Variants in COL6A3 observed in about 807,000 individuals in gnomAD.
COL6A3 encodes collagen type VI alpha 3 chain, also known as collagen alpha-3(VI) chain.
In COL6A3, 137 loss-of-function variants were observed where a neutral mutation model predicts 274.1. The ratio of observed to expected loss-of-function variants is 0.50; its 90% CI spans 0.44 to 0.58. The LOEUF (loss-of-function observed/expected upper bound fraction) is 0.58. Among genes scored for constraint, COL6A3 ranks in the 20% least tolerant of loss-of-function variants. The pLI is 0.00. For synonymous variants in COL6A3, 1,650 were observed against 1,650.6 expected, an observed-to-expected ratio of 1.00 and a Z score of 0.01; for missense variants, 3,950 against 4,124.9, an observed-to-expected ratio of 0.96 and a Z score of 1.16.
chr2:237,348,810 G>A (rs970751305), intron 28 of COL6A3, 147 bp from the exon 29 acceptor site: 7 of 733,644 alleles, frequency 9.5e-6, no homozygotes, highest in Non-Finnish European at 1.7e-5. Flanking sequence ...CACACTTCCT[G>A]CTCCTGTCCT....
intron 1 of COL6A3, among the ~76,000 whole-genome samples, chr2:237,401,353 AGAT>A (rs1366779491): frequency 6.6e-6 from 1 of 152,248 alleles, no homozygotes; most frequent in Non-Finnish European, 1.5e-5. Context: ...GTCCATCAAT[AGAT>A]GAGATGAATA....
rs771055879 is a variant in COL6A3 at position 237,368,613 on chromosome 2, G to A, written c.4850C>T (p.Ala1617Val). ...ERIMNSFGPS[A>V]ATPAPPGVDT... ...CACCCCTGGAGGTGCAGGAGTGGCT[G>A]CGGAGGGTCCAAACGAGTTCATGAT... Residue 1617 changes from alanine (A) to valine (V), a missense_variant, in exon 10 of 44, where the codon GCA becomes GTA. Around this residue, in one of 5 missense-constraint regions of COL6A3, gnomAD observed 632 missense variants for 623.4 expected, o/e 1.01. Coordinates refer to ENST00000295550, the MANE Select transcript of COL6A3 (RefSeq NM_004369.4). This position sits in a 1 kb window ranked among gnomAD's most constrained non-coding sequence, Gnocchi z 4.4. The A allele has an allele frequency of 6.2e-7, 1 of 1,614,174 alleles. No homozygotes were observed.
Position 237,364,524 on chromosome 2 carries a change from C to G in COL6A3, c.5839-96G>C. 2 of 964,694 alleles carry G rather than the reference C, an allele frequency of 2.1e-6. No individual in the cohort carries two copies. Among genetic ancestry groups the G allele is most frequent in the Non-Finnish European group, 3.3e-6 (2 of 600,978 alleles). 59.8% of individuals were successfully genotyped at this position (964,694 alleles called of 1,614,324 possible). A position where few individuals can be genotyped will look rare whatever the true frequency, so the allele number is the denominator to read the frequency against. ...GAGAGACTCGCTGTCTCAAGCCCTT[C>G]ATTTTACACTTAAGGAAACTGAGGG... On this transcript the variant is annotated intron_variant, in intron 12 of 43. Coordinates refer to ENST00000295550, the MANE Select transcript of COL6A3 (RefSeq NM_004369.4). The surrounding 1 kb of genome is among the most constrained non-coding windows in gnomAD (Gnocchi z 4.6).
intron 36 of COL6A3, 126 bp from the exon 37 acceptor site, chr2:237,342,287 G>A: frequency 1.3e-6 from 1 of 763,282 alleles, no homozygotes; most frequent in Non-Finnish European, 2.3e-6. Flanking sequence ...GGCAGTATTG[G>A]GAATATCTTC....
intron 42 of COL6A3, chr2:237,326,061 C>T (rs1699926218): frequency 5.3e-6 from 1 of 189,998 alleles, no homozygotes; most frequent in Non-Finnish European, 1.1e-5. Flanking sequence ...ATTTGCCCTC[C>T]AAGTCCTTCC....
intron 14 of COL6A3, among the ~76,000 whole-genome samples, chr2:237,363,016 C>T (rs767838683): frequency 1.5e-4 from 23 of 152,244 alleles, no homozygotes; most frequent in African/African-American, 4.8e-4. Flanking sequence ...ACAACCTCAG[C>T]GCGCCCAGGA....
chr2:237,367,334 C>T, intron 10 of COL6A3, 48 bp from the exon 11 acceptor site: 1 of 1,581,534 alleles, frequency 6.3e-7, no homozygotes, highest in Non-Finnish European at 8.6e-7. Flanking sequence ...TTTCCAGACC[C>T]AGAACATAAA....
intron 31 of COL6A3, among the ~76,000 whole-genome samples, chr2:237,347,547 T>G (rs1200437084): frequency 6.6e-6 from 1 of 152,114 alleles, no homozygotes; most frequent in Non-Finnish European, 1.5e-5. Context: ...AGGTGGGTGC[T>G]GTGCCTGGAG....
chr2:237,378,646 G>A lies in COL6A3; in HGVS notation c.2487C>T (p.Leu829=), dbSNP rs752530417. The A allele has an allele frequency of 1.7e-5, 28 of 1,612,498 alleles. No individual in the cohort carries two copies. Among genetic ancestry groups the A allele is most frequent in the Admixed American group, 8.3e-5 (5 of 60,008 alleles). Residue 829 remains leucine (L), a synonymous_variant, in exon 6 of 44, where the codon CTC becomes CTT. Transcript: ENST00000295550. ...ACAGGGGAGGTTTACCTGGCTGAGC[G>A]AGTGGTACTTCCTCCACACCTCCAC... ...YVSGGVEEVP[L]AQPESKRDIL...
At chr2:237,358,679 A>G in intron 20 of COL6A3, 96 bp from the exon 21 acceptor site, 1 of 1,131,472 alleles carries the variant, frequency 8.8e-7, no homozygotes, top group Non-Finnish European at 1.3e-6. Context: ...TCTTAACTAG[A>G]ACAATGTTTA....
chr2:237,395,162 T>G lies in COL6A3; in HGVS notation c.134A>C (p.Asp45Ala). 6.2e-7 allele frequency: 1 copy of G among 1,613,742 alleles called. No individual in the cohort carries two copies. Among genetic ancestry groups the G allele is most frequent in the South Asian group, 1.1e-5 (1 of 91,074 alleles). Residue 45 changes from aspartate to alanine, a missense_variant, in exon 3 of 44, where the codon GAT (aspartate) becomes GCT (alanine). Coordinates refer to ENST00000295550, the MANE Select transcript of COL6A3 (RefSeq NM_004369.4). ...TTCCTCTCCAATGGTCCAAGAGGAA[T>G]CCACTAGAAATATTATATCAGCAGC... ...GAAADIIFLV[D>A]SSWTIGEEHF...
rs1302230726 is a variant in COL6A3, at chr2:237,351,198, G to A, written c.6754-6C>T. On this transcript the variant is annotated splice_region_variant and splice_polypyrimidine_tract_variant and intron_variant, in intron 26 of 43. Transcript: ENST00000295550. The stretch of plus-strand genomic sequence containing the variant: ...CCAGCGGCACCTCCGCTTCCCTGGA[G>A]CAGGAGGGGAGGAATGTGTCAGTGA... The A allele has an allele frequency of 1.2e-6, 2 of 1,614,082 alleles. No homozygotes were observed. Among genetic ancestry groups the A allele is most frequent in the Admixed American group, 1.7e-5 (1 of 60,020 alleles).
chr2:237,377,748 GAA>G (rs150449423), intron 6 of COL6A3, among the ~76,000 whole-genome samples: 2 of 150,896 alleles, frequency 1.3e-5, no homozygotes, highest in African/African-American at 4.9e-5. Flanking sequence ...TCAATCTCTA[GAA>G]AAAAAAAGGG....
At chr2:237,352,655 G>A (rs2077232268) in intron 25 of COL6A3, 71 bp from the exon 26 acceptor site, 1 of 1,421,896 alleles carries the variant, frequency 7.0e-7, no homozygotes. Context: ...CATGGCATCT[G>A]CCCATCCCAC....
At chr2:237,402,791 C>T (rs977557526) in intron 1 of COL6A3, among the ~76,000 whole-genome samples, 6 of 152,140 alleles carry the variant, frequency 3.9e-5, no homozygotes, top group South Asian at 2.1e-4. Context: ...GCTTTGGAAT[C>T]GGCTCCACCC....
chr2:237,343,491 G>C, intron 36 of COL6A3: 1 of 128,290 alleles, frequency 7.8e-6, no homozygotes, highest in Non-Finnish European at 1.5e-5. Context: ...CTCCAGCCTG[G>C]GTGACAGAGC....
chr2:237,403,840 A>T (rs923944469), intron 1 of COL6A3, among the ~76,000 whole-genome samples: 1 of 151,752 alleles, frequency 6.6e-6, no homozygotes, highest in Non-Finnish European at 1.5e-5. Flanking sequence ...CACAGCCCCA[A>T]CTTTGCCCCT....
chr2:237,406,940 A>T (rs1574779944), intron 1 of COL6A3, among the ~76,000 whole-genome samples: 1 of 125,922 alleles, frequency 7.9e-6, no homozygotes, highest in African/African-American at 3.2e-5. Flanking sequence ...GACAGAGTAT[A>T]GCTCTGTTGT....
intron 6 of COL6A3, among the ~76,000 whole-genome samples, chr2:237,377,775 T>C (rs1426499644): frequency 3.9e-5 from 6 of 152,064 alleles, no homozygotes; most frequent in Non-Finnish European, 8.8e-5. Context: ...CTGATATGGG[T>C]CAACCACTCA....
Sources: gnomAD v4.1 joint callset for allele counts (sites outside exome capture counted in the v4.1 genomes callset) on GRCh38, gnomAD v4.1.1 for gene constraint, gnomAD v4.1.1 regional missense constraint, Gnocchi (gnomAD v3.1) non-coding constraint, MANE v1.5 for transcripts, NCBI Gene and HGNC (gene_info 2026-07-23, HGNC 2026-07-21) for gene names.